RP1L1: variants seen among roughly 807,000 people sequenced by gnomAD.
The protein encoded by RP1L1 is RP1 like 1, also known as retinitis pigmentosa 1-like 1 protein.
In RP1L1, 27 loss-of-function variants were observed where a neutral mutation model predicts 15.7. The ratio of observed to expected loss-of-function variants is 1.72; its 90% confidence interval spans 1.27 to 2.38. The LOEUF is 2.38. Ranked by LOEUF, RP1L1 falls within the 30% of genes most tolerant of loss-of-function variation. RP1L1 has a pLI of 0.00. For synonymous variants in RP1L1, 1,813 were observed against 1,276.7 expected (o/e 1.42, Z -8.96); for missense variants, 4,798 against 3,075.9 (o/e 1.56, Z -13.24).
At position 10,608,146 on chromosome 8, in the gene RP1L1, C is replaced by G. The variant is rs774790979; in HGVS notation, c.5952G>C (p.Val1984=). The change falls in exon 4 of 4, where the codon GTG becomes GTC. Residue 1984 remains valine, a synonymous_variant. Coordinates refer to ENST00000382483, the MANE Select transcript of RP1L1 (RefSeq NM_178857.6). ...CCTCCCCTTCTGCCTCCTGGGTCTC[C>G]ACTTCAACCTCCAGGGCCTCTACAT... The part of the protein sequence containing the change: ...SEDVEALEVE[V]ETQEAEGEAQ... The G allele has an allele frequency of 3.1e-6, 5 of 1,601,682 alleles. No homozygotes were observed. In the African/African-American group the frequency reaches 7.1e-5, roughly 23 times the overall value.
chr8:10,632,110 C>G (rs1392766464), intron 1 of RP1L1, among the ~76,000 whole-genome samples: 1 of 152,198 alleles, frequency 6.6e-6, no homozygotes, highest in African/African-American at 2.4e-5. Flanking sequence ...GATGGGGCAA[C>G]CCTGGCCCGG....
intron 2 of RP1L1, 72 bp downstream of exon 2, chr8:10,622,521 T>C (rs1798076754): frequency 1.3e-6 from 2 of 1,598,956 alleles, no homozygotes; most frequent in African/African-American, 2.7e-5. Context: ...ATAATCTCTC[T>C]CTTCCATGTG....
chr8:10,618,271 G>A (rs1434162251), intron 2 of RP1L1, among the ~76,000 whole-genome samples: 1 of 152,142 alleles, frequency 6.6e-6, no homozygotes, highest in Non-Finnish European at 1.5e-5. Context: ...GGGCCGAGGT[G>A]GGTAGATCCC....
At position 10,606,994 on chromosome 8, in the gene RP1L1, T is replaced by C. The variant is rs1797713992; in HGVS notation, c.7104A>G (p.Glu2368=). The C allele has an allele frequency of 5.6e-6, 9 of 1,614,218 alleles. No homozygotes were observed. Among genetic ancestry groups the C allele is most frequent in the Non-Finnish European group, 6.8e-6 (8 of 1,180,040 alleles). The change falls in exon 4 of 4, where the codon GAA becomes GAG. Residue 2368 remains glutamate, a synonymous_variant. Coordinates refer to ENST00000382483, the MANE Select transcript of RP1L1 (RefSeq NM_178857.6). ...CCTGGTCCTCTTGTAGGTCATAACCTTCACTGGCCCCCTGCTCTGGAGTCC... is the reference window on the plus strand; with the variant it reads ...CCTGGTCCTCTTGTAGGTCATAACCCTCACTGGCCCCCTGCTCTGGAGTCC... ...GSRTPEQGAS[E]GYDLQEDQAL...
In RP1L1 at chr8:10,637,510, C is replaced by T. The variant is rs552794387; in HGVS notation, c.-19-14290G>A. Among the ~76,000 whole-genome samples, 7 of 152,298 alleles carry T rather than the reference C, an allele frequency of 4.6e-5. No individual in the cohort carries two copies. In the East Asian group the frequency reaches 1.2e-3, roughly 25 times the overall value. On this transcript the variant is annotated intron_variant, in intron 1 of 3. Transcript: ENST00000382483. ...TCTAAAGTCCCACCTACTCTGGAGG[C>T]TGAGGCGGGAGGATCACTTGAGCCC...
At chr8:10,621,551 C>T in intron 2 of RP1L1, 1 of 367,882 alleles carries the variant, frequency 2.7e-6, no homozygotes, top group Non-Finnish European at 5.4e-6. Flanking sequence ...ATCTCGAACT[C>T]CTGACCTCAG....
In RP1L1 at chr8:10,643,556, G is replaced by T. The variant is rs185055464; in HGVS notation, c.-20+11342C>A. ...CACTCTCAGCTTCTCAGAAAGGAGAGAAAAGCATTTAAGGTAATGTACTGG... is the reference window on the plus strand; with the variant it reads ...CACTCTCAGCTTCTCAGAAAGGAGATAAAAGCATTTAAGGTAATGTACTGG... On this transcript the variant is annotated intron_variant, in intron 1 of 3. Coordinates refer to ENST00000382483, the MANE Select transcript of RP1L1 (RefSeq NM_178857.6). 8.7e-4 allele frequency among the ~76,000 whole-genome samples: 132 copies of T among 152,180 alleles called. 1 individual carries two copies. Among genetic ancestry groups the T allele is most frequent in the Admixed American group, 1.3e-3 (20 of 15,288 alleles).
At chr8:10,618,000 G>C (rs530302912) in intron 2 of RP1L1, among the ~76,000 whole-genome samples, 1 of 152,148 alleles carries the variant, frequency 6.6e-6, no homozygotes, top group Non-Finnish European at 1.5e-5. Flanking sequence ...GCTAGTCCAC[G>C]GTAATGCCAC....
intron 1 of RP1L1, among the ~76,000 whole-genome samples, chr8:10,646,197 G>A (rs1371939548): frequency 6.6e-6 from 1 of 152,222 alleles, no homozygotes; most frequent in Non-Finnish European, 1.5e-5. Context: ...CGAGGACCTG[G>A]CATCCCCATG....
chr8:10,621,038 G>T (rs11778815), intron 2 of RP1L1: 4,507 of 152,310 alleles, frequency 0.03, 72 homozygotes, highest in Middle Eastern at 0.07. Context: ...CCTAATTTTT[G>T]TCATAGCTCT....
At chr8:10,614,348 G>C (rs1797929939) in intron 3 of RP1L1, among the ~76,000 whole-genome samples, 1 of 152,154 alleles carries the variant, frequency 6.6e-6, no homozygotes, top group African/African-American at 2.4e-5. Context: ...GGCTGCTAAG[G>C]ATGCAAAGGA....
In RP1L1 at chr8:10,611,000, T is replaced by C; in HGVS notation, c.3098A>G (p.Asp1033Gly). ...ACCCTCTCCTGATTGGGGACCAGTG[T>C]CACTACTCCCCAGGAGGGCTCCCTC... is the stretch of plus-strand genomic sequence containing the variant. ...EPEGALLGSSDTGPQSGEGVP... is the reference protein window; with the variant it reads ...EPEGALLGSSGTGPQSGEGVP... The change falls in exon 4 of 4, where the codon GAC becomes GGC. Residue 1033 changes from aspartate to glycine, a missense_variant. Coordinates refer to ENST00000382483, the MANE Select transcript of RP1L1 (RefSeq NM_178857.6). The C allele has an allele frequency of 6.2e-7, 1 of 1,612,594 alleles. No individual in the cohort carries two copies. Among genetic ancestry groups the C allele is most frequent in the Middle Eastern group, 1.7e-4 (1 of 6,056 alleles).
At chr8:10,651,639 C>G (rs1006936943) in intron 1 of RP1L1, among the ~76,000 whole-genome samples, 1 of 151,676 alleles carries the variant, frequency 6.6e-6, no homozygotes. Flanking sequence ...GCAGGAGAAT[C>G]CCTTGAACTC....
rs151156308 is a variant in RP1L1 at position 10,647,993 on chromosome 8, A to G, written c.-20+6905T>C. Among the ~76,000 whole-genome samples, 6 of 151,004 alleles carry G rather than the reference A, an allele frequency of 4.0e-5. No homozygotes were observed. In the East Asian group the frequency reaches 1.2e-3, roughly 30 times the overall value. On this transcript the variant is annotated intron_variant, in intron 1 of 3. Coordinates refer to ENST00000382483, the MANE Select transcript of RP1L1 (RefSeq NM_178857.6). ...AGGAATCCAGATTCTCCACATCCTC[A>G]CTAGCATTTGTTGTTATTTTCTGGT...
chr8:10,626,366 C>T (rs1585984660), intron 1 of RP1L1, among the ~76,000 whole-genome samples: 1 of 152,300 alleles, frequency 6.6e-6, no homozygotes, highest in East Asian at 1.9e-4. Flanking sequence ...ATCAATATCA[C>T]ACGCGGATCA....
chr8:10,627,081 C>A (rs1196407916), intron 1 of RP1L1, among the ~76,000 whole-genome samples: 5 of 152,092 alleles, frequency 3.3e-5, no homozygotes, highest in African/African-American at 7.2e-5. Flanking sequence ...ATGGCGGGTC[C>A]TCAAAAATGG....
In RP1L1 at chr8:10,609,579, C is replaced by A; in HGVS notation, c.4519G>T (p.Ala1507Ser). 6.2e-7 allele frequency: 1 copy of A among 1,603,484 alleles called. No individual in the cohort carries two copies. Among genetic ancestry groups the A allele is most frequent in the Non-Finnish European group, 8.5e-7 (1 of 1,177,540 alleles). Reference protein sequence around the residue: ...QGAAERSSSVACSAALDCDPI... With the variant: ...QGAAERSSSVSCSAALDCDPI... ...TCGCAGTCCAGAGCCGCGCTGCAGG[C>A]CACCGAAGAGCTCCTCTCTGCAGCC... The change falls in exon 4 of 4, where the codon GCC becomes TCC. Residue 1507 changes from alanine to serine, a missense_variant. Transcript: ENST00000382483.
chr8:10,652,751 C>G (rs1283171323), intron 1 of RP1L1, among the ~76,000 whole-genome samples: 2 of 152,192 alleles, frequency 1.3e-5, no homozygotes, highest in Admixed American at 6.5e-5. Context: ...GCTCTCCACT[C>G]TGAGCCCACG....
At chr8:10,636,585 C>A (rs972452018) in intron 1 of RP1L1, among the ~76,000 whole-genome samples, 2 of 152,178 alleles carry the variant, frequency 1.3e-5, no homozygotes, top group Admixed American at 6.5e-5. Flanking sequence ...ACAACGGCCT[C>A]CTCGGATGAA....
Sources: allele counts gnomAD v4.1 joint callset (sites outside exome capture counted in the v4.1 genomes callset), GRCh38; gene constraint gnomAD v4.1.1; transcripts MANE v1.5; gene names NCBI Gene and HGNC (gene_info 2026-07-23, HGNC 2026-07-21).